CADM2: variants seen among roughly 807,000 people sequenced by gnomAD.
The protein encoded by CADM2 is immunoglobulin superfamily member 4D.
CADM2 carries 12 observed loss-of-function variants against 49.8 expected under a neutral mutation model. The observed-to-expected ratio is 0.24, with a 90% CI of 0.15 to 0.39. CADM2 has a LOEUF of 0.39. CADM2 is among the 10% of genes least tolerant of loss of function. The probability of loss-of-function intolerance (pLI) is 1.00; values close to 1 mark genes in which losing one functional copy is unlikely to be tolerated. For missense variants in CADM2, 378 were observed against 492.3 expected, an observed-to-expected ratio of 0.77 and a Z score of 2.20; for synonymous variants, 214 against 175.4, an observed-to-expected ratio of 1.22 and a Z score of -1.74.
rs966566597 is a variant in CADM2 at position 85,158,997 on chromosome 3, G to A, written c.61+199329G>A. On this transcript the variant is annotated intron_variant, in intron 1 of 9. Coordinates refer to ENST00000383699, the MANE Select transcript of CADM2 (RefSeq NM_001167675.2). ...AGTGTGTGAATGCTGAGAAAGTTCC[G>A]TTTACAGCAGAAGAAGTTATAAGTT... 2.6e-5 allele frequency among the ~76,000 whole-genome samples: 4 copies of A among 152,028 alleles called. No homozygotes were observed. The South Asian group carries it at 6.2e-4, about 24-fold the overall frequency.
chr3:85,139,919 G>A (rs2039526890), intron 1 of CADM2, among the ~76,000 whole-genome samples: 1 of 152,144 alleles, frequency 6.6e-6, no homozygotes, highest in South Asian at 2.1e-4. Flanking sequence ...AAGGATGTAG[G>A]AAGTAATGGG....
Position 86,073,492 on chromosome 3 carries a change from A to C in CADM2, c.*6709A>C, listed in dbSNP as rs1253339717. The C allele has an allele frequency of 1.3e-5, 2 of 152,082 alleles. No individual in the cohort carries two copies. Among genetic ancestry groups the C allele is most frequent in the Non-Finnish European group, 2.9e-5 (2 of 67,928 alleles). 9.4% of individuals were successfully genotyped at this position (152,082 alleles called of 1,614,324 possible). A position where few individuals can be genotyped will look rare whatever the true frequency, so the allele number is the denominator to read the frequency against. ...TGATATGCCTATATACTTACAAAGT[A>C]TTCAATGTGTACTTAGCGGCGCTTA... On this transcript the variant is annotated 3_prime_UTR_variant, in exon 10 of 10. Coordinates refer to ENST00000383699, the MANE Select transcript of CADM2 (RefSeq NM_001167675.2).
intron 5 of CADM2, among the ~76,000 whole-genome samples, chr3:85,893,769 G>A (rs1384694400): frequency 6.6e-6 from 1 of 152,190 alleles, no homozygotes; most frequent in Non-Finnish European, 1.5e-5. Context: ...CTGGCCATCA[G>A]AGAAATGCAA....
chr3:85,646,465 A>T (rs2064889875), intron 1 of CADM2, among the ~76,000 whole-genome samples: 1 of 152,016 alleles, frequency 6.6e-6, no homozygotes, highest in Non-Finnish European at 1.5e-5. Flanking sequence ...TTCTGGTGCA[A>T]TAGAACAAAA....
At chr3:86,023,606 C>T (rs1308086914) in intron 8 of CADM2, among the ~76,000 whole-genome samples, 1 of 152,076 alleles carries the variant, frequency 6.6e-6, no homozygotes, top group African/African-American at 2.4e-5. Flanking sequence ...GATCTGCCCG[C>T]CTCGGCCTCC....
intron 3 of CADM2, among the ~76,000 whole-genome samples, chr3:85,803,500 AATAGATAG>A (rs3044105): frequency 1.5e-3 from 227 of 149,546 alleles, no homozygotes; most frequent in Non-Finnish European, 2.2e-3. Context: ...TAGATAGATA[AATAGATAG>A]ATAGATAGAT....
At chr3:85,465,910 C>A (rs556511615) in intron 1 of CADM2, among the ~76,000 whole-genome samples, 2 of 152,226 alleles carry the variant, frequency 1.3e-5, no homozygotes, top group South Asian at 2.1e-4. Context: ...AAAATAGGAT[C>A]TTTTCTAGAA....
Position 85,814,903 on chromosome 3 carries a change from G to A in CADM2, c.238+12707G>A, listed in dbSNP as rs1577379082. Among the ~76,000 whole-genome samples the A allele has an allele frequency of 5.9e-5, 9 of 151,480 alleles. No homozygotes were observed. In the South Asian group the frequency reaches 1.9e-3, roughly 32 times the overall value. ...AATATAGAATATTCTACCTATGCAGGTATATAGAATATTCTATAGAATACT... is the reference window on the plus strand; with the variant it reads ...AATATAGAATATTCTACCTATGCAGATATATAGAATATTCTATAGAATACT... On this transcript the variant is annotated intron_variant, in intron 3 of 9. Coordinates refer to ENST00000383699, the MANE Select transcript of CADM2 (RefSeq NM_001167675.2).
At chr3:85,517,894 A>G (rs2060941443) in intron 1 of CADM2, among the ~76,000 whole-genome samples, 1 of 152,128 alleles carries the variant, frequency 6.6e-6, no homozygotes, top group African/African-American at 2.4e-5. Context: ...GAATGGCTCT[A>G]AGTGTATGGC....
chr3:85,372,122 G>T (rs1390689494), intron 1 of CADM2, among the ~76,000 whole-genome samples: 3 of 151,764 alleles, frequency 2.0e-5, no homozygotes, highest in Non-Finnish European at 4.4e-5. Context: ...AAGAAAAATT[G>T]GTGCCATAAA....
intron 1 of CADM2, among the ~76,000 whole-genome samples, chr3:85,141,060 A>G (rs757880497): frequency 4.6e-5 from 7 of 152,166 alleles, no homozygotes; most frequent in African/African-American, 2.4e-5. Flanking sequence ...AGTAGCATTC[A>G]GTATGTCATT....
intron 1 of CADM2, among the ~76,000 whole-genome samples, chr3:85,144,784 G>A (rs1169744290): frequency 6.6e-6 from 1 of 152,000 alleles, no homozygotes; most frequent in African/African-American, 2.4e-5. Context: ...TAAGTGATTT[G>A]AAAGATCAAT....
At chr3:85,297,282 A>G (rs1399584374) in intron 1 of CADM2, among the ~76,000 whole-genome samples, 1 of 152,086 alleles carries the variant, frequency 6.6e-6, no homozygotes, top group Non-Finnish European at 1.5e-5. Context: ...TTCTCTGGAT[A>G]TAATTATACT....
chr3:85,622,114 G>A (rs1318521824), intron 1 of CADM2, among the ~76,000 whole-genome samples: 2 of 152,126 alleles, frequency 1.3e-5, no homozygotes, highest in Non-Finnish European at 2.9e-5. Context: ...GTTACATATG[G>A]ATGGAAACTA....
intron 1 of CADM2, among the ~76,000 whole-genome samples, chr3:85,696,092 G>A (rs553810296): frequency 6.6e-6 from 1 of 151,916 alleles, no homozygotes; most frequent in Admixed American, 6.6e-5. Flanking sequence ...CATGTTGTTT[G>A]CCTACTTTTT....
intron 1 of CADM2, among the ~76,000 whole-genome samples, chr3:85,603,687 G>C (rs2063478890): frequency 6.6e-6 from 1 of 151,784 alleles, no homozygotes; most frequent in Admixed American, 6.6e-5. Context: ...ACTTGGTAGA[G>C]ATCTGGTGTC....
chr3:85,129,072 A>T (rs888445286), intron 1 of CADM2, among the ~76,000 whole-genome samples: 4 of 152,118 alleles, frequency 2.6e-5, no homozygotes, highest in Non-Finnish European at 5.9e-5. Flanking sequence ...GTGTGTGGGT[A>T]TCTTCAAGTT....
intron 1 of CADM2, among the ~76,000 whole-genome samples, chr3:85,462,035 G>A (rs576374355): frequency 2.2e-4 from 33 of 152,138 alleles, no homozygotes; most frequent in African/African-American, 7.5e-4. Flanking sequence ...AGGAGAGGAG[G>A]GCAATTAATC....
intron 8 of CADM2, among the ~76,000 whole-genome samples, chr3:86,059,854 G>A (rs1277983302): frequency 6.6e-6 from 1 of 151,808 alleles, no homozygotes; most frequent in African/African-American, 2.4e-5. Flanking sequence ...CTTAAGGAGA[G>A]GCTCTTAGTT....
Sources: gnomAD v4.1 joint callset for allele counts (sites outside exome capture counted in the v4.1 genomes callset) on GRCh38, gnomAD v4.1.1 for gene constraint, MANE v1.5 for transcripts, NCBI Gene and HGNC (gene_info 2026-07-23, HGNC 2026-07-21) for gene names.